The following ZNF69 variants were observed in gnomAD, a reference collection of about 807,000 sequenced individuals.
ZNF69 encodes zinc finger protein 69, also known as ZNF3.
ZNF69 carries 47 observed loss-of-function variants against 50.9 expected under a neutral mutation model. That is an observed-to-expected ratio of 0.92 (90% CI 0.73 to 1.18). The LOEUF (loss-of-function observed/expected upper bound fraction) is 1.18, where lower values mean the gene tolerates loss of function less well. ZNF69 is among the 50% of genes most tolerant of loss of function. ZNF69 has a pLI of 0.00. For missense variants in ZNF69, 717 were observed against 675.1 expected (o/e 1.06, Z -0.69); for synonymous variants, 216 against 223.1 (o/e 0.97, Z 0.29).
the ZNF69 span, chr19:11,925,098 G>T: frequency 8.1e-7 from 1 of 1,234,270 alleles, no homozygotes; most frequent in Non-Finnish European, 1.2e-6. Flanking sequence ...AAATGGAGGG[G>T]GTCGCTTTCC....
the ZNF69 span, chr19:11,950,114 C>G: frequency 3.7e-6 from 6 of 1,614,070 alleles, no homozygotes; most frequent in Non-Finnish European, 5.1e-6. Flanking sequence ...CATGCAAGAA[C>G]ACACATTGGA....
the ZNF69 span, among the ~76,000 whole-genome samples, chr19:11,937,550 GCC>G: frequency 1.4e-5 from 2 of 147,448 alleles, no homozygotes; most frequent in African/African-American, 5.0e-5. Context: ...GTGCAGTGGC[GCC>G]ATCTCGGCTC....
In ZNF69 at chr19:11,887,816, T is replaced by C. The variant is rs1242650509; in HGVS notation, c.-108T>C. 4 of 932,476 alleles carry C rather than the reference T, an allele frequency of 4.3e-6. No individual in the cohort carries two copies. The African/African-American group carries it at 5.1e-5, about 12-fold the overall frequency. The allele number at this position is 932,476 out of a possible 1,614,324, so 57.8% of individuals were successfully genotyped here. A position where few individuals can be genotyped will look rare whatever the true frequency, so the allele number is the denominator to read the frequency against. On this transcript the variant is annotated 5_prime_UTR_variant, in exon 1 of 4. Coordinates refer to ENST00000429654, the MANE Select transcript of ZNF69 (RefSeq NM_001364730.1). ...CCAGACACTGAGGGGGTCGCATTCCTTACCTCACCTTTGTCCCTGCGCGGG... is the reference window on the plus strand; with the variant it reads ...CCAGACACTGAGGGGGTCGCATTCCCTACCTCACCTTTGTCCCTGCGCGGG...
At chr19:11,978,486 C>G in the ZNF69 span, 1 of 1,614,154 alleles carries the variant, frequency 6.2e-7, no homozygotes, top group Non-Finnish European at 8.5e-7. Flanking sequence ...TTCAGGCATT[C>G]GAAGACGCAT....
At chr19:11,941,374 G>A in the ZNF69 span, among the ~76,000 whole-genome samples, 17 of 152,228 alleles carry the variant, frequency 1.1e-4, no homozygotes, top group African/African-American at 2.7e-4. Flanking sequence ...GGCTCGGGCC[G>A]CACAGGAGCC....
chr19:11,972,354 TAA>T, the ZNF69 span, among the ~76,000 whole-genome samples: 3 of 152,212 alleles, frequency 2.0e-5, no homozygotes, highest in African/African-American at 7.2e-5. Flanking sequence ...TGTTGTCTTT[TAA>T]AAATTACATT....
At chr19:11,917,041 A>G (rs1599269632), downstream of ZNF69, among the ~76,000 whole-genome samples, 6 of 152,254 alleles carry the variant, frequency 3.9e-5, 1 homozygote, top group Admixed American at 3.9e-4. Flanking sequence ...AACTTGAGTA[A>G]GGTGTTGTAC....
chr19:11,955,610 C>A, the ZNF69 span, among the ~76,000 whole-genome samples: 2 of 152,000 alleles, frequency 1.3e-5, no homozygotes, highest in Non-Finnish European at 2.9e-5. Context: ...TGCATCATTT[C>A]TAACAGTTTC....
At chr19:11,907,965 G>A (rs1207371876), downstream of ZNF69, among the ~76,000 whole-genome samples, 1 of 152,162 alleles carries the variant, frequency 6.6e-6, no homozygotes, top group Non-Finnish European at 1.5e-5. Flanking sequence ...TCAAAATAAA[G>A]GGATGGAGGA....
Position 11,887,990 on chromosome 19 carries a change from C to G in ZNF69, c.63+4C>G, listed in dbSNP as rs752289883. 20 of 1,609,134 alleles carry G rather than the reference C, an allele frequency of 1.2e-5. No individual in the cohort carries two copies. Among genetic ancestry groups the G allele is most frequent in the Non-Finnish European group, 1.5e-5 (18 of 1,177,036 alleles). On this transcript the variant is annotated splice_donor_region_variant and intron_variant, in intron 1 of 3. Transcript: ENST00000429654. The stretch of plus-strand genomic sequence containing the variant: ...GACATCTGAAAGCCAGGAAATGGTG[C>G]GTGTCTGGGGCCGGGTGTCGTGAGA...
chr19:11,954,132 A>T, the ZNF69 span, among the ~76,000 whole-genome samples: 1 of 152,330 alleles, frequency 6.6e-6, no homozygotes, highest in East Asian at 1.9e-4. Context: ...ACATGTATAT[A>T]TGGGAGCCTT....
rs1050081681 is a variant in ZNF69 at position 11,905,891 on chromosome 19, A to G, written c.1494A>G (p.Lys498=). The G allele has an allele frequency of 1.2e-6, 2 of 1,612,210 alleles. No homozygotes were observed. The highest frequency in any genetic ancestry group is 1.7e-6 in the Non-Finnish European group (2 of 1,179,544). The change falls in exon 4 of 4, where the codon AAA becomes AAG. Residue 498 remains lysine, a synonymous_variant. Coordinates refer to ENST00000429654, the MANE Select transcript of ZNF69 (RefSeq NM_001364730.1). ...CCAAATCATTGCAAAGACATGAAAA[A>G]ACTCACACTGGAGAGAAACTCTATG... ...YCPKSLQRHE[K]THTGEKLYEC...
chr19:11,974,071 TTCTTTCTTTCTTTCTTTC>T, the ZNF69 span, among the ~76,000 whole-genome samples: 140 of 61,156 alleles, frequency 2.3e-3, 1 homozygote, highest in Non-Finnish European at 4.9e-4. Flanking sequence ...CTTCTTTCTT[TTCTTTCTTTCTTTCTTTC>T]TTTCTTTCTT....
chr19:11,935,691 C>T, the ZNF69 span, among the ~76,000 whole-genome samples: 2 of 152,126 alleles, frequency 1.3e-5, no homozygotes, highest in African/African-American at 2.4e-5. Flanking sequence ...CCAAAACAGA[C>T]AGTTTTACTT....
chr19:11,891,902 C>G (rs1313190921), intron 1 of ZNF69, among the ~76,000 whole-genome samples: 2 of 152,120 alleles, frequency 1.3e-5, no homozygotes, highest in Non-Finnish European at 2.9e-5. Flanking sequence ...TTCCCTAACA[C>G]TTGTATAGGG....
chr19:11,907,674 A>G (rs1245022983), downstream of ZNF69, among the ~76,000 whole-genome samples: 2 of 152,218 alleles, frequency 1.3e-5, no homozygotes, highest in Non-Finnish European at 2.9e-5. Flanking sequence ...TGAAGGAAGC[A>G]CTAAACATGG....
At chr19:11,959,034 C>T in the ZNF69 span, among the ~76,000 whole-genome samples, 3 of 152,172 alleles carry the variant, frequency 2.0e-5, no homozygotes, top group Non-Finnish European at 4.4e-5. Flanking sequence ...AGGCACATGA[C>T]ACCACACCTT....
At chr19:11,913,528 A>G in exon 5 of ZNF69, 4 of 405,506 alleles carry the variant, frequency 9.9e-6, no homozygotes, top group Non-Finnish European at 1.8e-5. Flanking sequence ...AGCTGGGACT[A>G]CAGGCATGCA....
At chr19:11,921,921 A>G in the ZNF69 span, among the ~76,000 whole-genome samples, 1 of 152,182 alleles carries the variant, frequency 6.6e-6, no homozygotes, top group East Asian at 1.9e-4. Context: ...AATAATAAGT[A>G]CTGAATTTAT....
Sources: allele counts gnomAD v4.1 joint callset (sites outside exome capture counted in the v4.1 genomes callset), GRCh38; gene constraint gnomAD v4.1.1; transcripts MANE v1.5; gene names NCBI Gene and HGNC (gene_info 2026-07-23, HGNC 2026-07-21).